Variants in ZFAND2A observed in about 807,000 individuals in gnomAD.
ZFAND2A encodes the protein zinc finger AN1-type containing 2A, also known as AN1-type zinc finger protein 2A.
ZFAND2A carries 20 observed loss-of-function variants against 11.6 expected under a neutral mutation model. The ratio of observed to expected loss-of-function variants is 1.72; its 90% confidence interval spans 1.21 to 2.50. The LOEUF (loss-of-function observed/expected upper bound fraction) is 2.50. Ranked by LOEUF, ZFAND2A falls within the 30% of genes most tolerant of loss-of-function variation. ZFAND2A has a pLI of 0.00. For missense variants in ZFAND2A, 234 were observed against 182.9 expected (o/e 1.28, Z -1.61); for synonymous variants, 93 against 60.6 (o/e 1.54, Z -2.48).
At chr7:1,149,753 G>T (rs938107013), downstream of ZFAND2A, among the ~76,000 whole-genome samples, 3 of 152,186 alleles carry the variant, frequency 2.0e-5, no homozygotes, top group Non-Finnish European at 4.4e-5. Context: ...ACGGCGCTGC[G>T]TGTTTGTGCT....
chr7:1,151,565 G>A (rs1441181543), downstream of ZFAND2A, among the ~76,000 whole-genome samples: 2 of 151,972 alleles, frequency 1.3e-5, no homozygotes, highest in Non-Finnish European at 2.9e-5. Context: ...CAGTGGGGAA[G>A]TTTCAAGGTT....
At chr7:1,151,089 T>C (rs1366578873), downstream of ZFAND2A, among the ~76,000 whole-genome samples, 2 of 152,220 alleles carry the variant, frequency 1.3e-5, no homozygotes, top group East Asian at 1.9e-4. Context: ...GGTTTCACCA[T>C]GTTGACCAGG....
intron 4 of ZFAND2A, 44 bp downstream of exon 4, chr7:1,155,409 C>T (rs1359130295): frequency 1.3e-6 from 2 of 1,593,094 alleles, no homozygotes; most frequent in East Asian, 4.5e-5. Context: ...CAAGGAAAAA[C>T]CAGGCTTCCC....
chr7:1,152,421 C>T, downstream of ZFAND2A: 1 of 1,443,496 alleles, frequency 6.9e-7, no homozygotes, highest in Admixed American at 2.4e-5. Context: ...TGCAGGTAAG[C>T]AACTACCACT....
intron 3 of ZFAND2A, 54 bp from the exon 4 acceptor site, chr7:1,155,638 A>T (rs903344198): frequency 2.5e-6 from 4 of 1,593,782 alleles, no homozygotes; most frequent in Non-Finnish European, 8.6e-7. Flanking sequence ...TTAAACTCAC[A>T]GAAGTTTTAA....
At chr7:1,155,115 A>C (rs1322510071) in intron 4 of ZFAND2A, among the ~76,000 whole-genome samples, 1 of 152,102 alleles carries the variant, frequency 6.6e-6, no homozygotes, top group Non-Finnish European at 1.5e-5. Flanking sequence ...ACAGAGCAAG[A>C]CTGTCTCAAA....
At position 1,158,331 on chromosome 7, in the gene ZFAND2A, A is replaced by C. The variant is rs1393517269; in HGVS notation, c.-45-74T>G. The C allele has an allele frequency of 3.6e-5, 32 of 899,984 alleles. 1 individual carries two copies. In the East Asian group the frequency reaches 7.8e-4, roughly 22 times the overall value. 55.7% of individuals were successfully genotyped at this position (899,984 alleles called of 1,614,324 possible). A position where few individuals can be genotyped will look rare whatever the true frequency, so the allele number is the denominator to read the frequency against. On this transcript the variant is annotated intron_variant, in intron 1 of 4. Transcript: ENST00000316495. ...TCACCAGGATTTACAATGTAATTACAGCTAATGAAAGTCAACAAACGCACT... is the reference window on the plus strand; with the variant it reads ...TCACCAGGATTTACAATGTAATTACCGCTAATGAAAGTCAACAAACGCACT...
At chr7:1,152,129 C>T (rs1196965180), downstream of ZFAND2A, 14 of 1,313,034 alleles carry the variant, frequency 1.1e-5, no homozygotes, top group South Asian at 1.8e-5. Context: ...TCCATCCTGA[C>T]GAAGTCGCAC....
chr7:1,151,365 G>A (rs367673123), downstream of ZFAND2A, among the ~76,000 whole-genome samples: 92 of 149,674 alleles, frequency 6.1e-4, no homozygotes, highest in African/African-American at 2.3e-3. Context: ...GGCCAGGCAG[G>A]TGGATGTCCT....
downstream of ZFAND2A, among the ~76,000 whole-genome samples, chr7:1,149,513 G>A (rs973179604): frequency 2.6e-5 from 4 of 152,206 alleles, no homozygotes; most frequent in African/African-American, 7.2e-5. Context: ...GGGAACCGCC[G>A]GCCTAGGACA....
chr7:1,153,200 CTT>C lies in ZFAND2A; in HGVS notation c.305_306del (p.Lys102ArgfsTer57), dbSNP rs756555828. The C allele has an allele frequency of 1.2e-6, 2 of 1,613,938 alleles. No individual in the cohort carries two copies. The highest frequency in any genetic ancestry group is 8.5e-7 in the Non-Finnish European group (1 of 1,179,800). Reference protein sequence around the residue: ...KEKIFTYRCSKEGCKKKEMLQ... With the variant: ...KEKIFTYRCSXEGCKKKEMLQ... ...AGCATCTCTTTCTTCTTGCAGCCCTCTTTTGAGCAACGGTATGTAAAAATCTA... is the reference window on the plus strand; with the variant it reads ...AGCATCTCTTTCTTCTTGCAGCCCTCTTGAGCAACGGTATGTAAAAATCTA... On this transcript the variant is annotated frameshift_variant, in exon 5 of 5. Coordinates refer to ENST00000316495, the MANE Select transcript of ZFAND2A (RefSeq NM_182491.4). LOFTEE classifies it low-confidence loss of function (END_TRUNC).
intron 1 of ZFAND2A, among the ~76,000 whole-genome samples, chr7:1,158,614 A>T (rs1793590050): frequency 6.6e-6 from 1 of 152,100 alleles, no homozygotes; most frequent in African/African-American, 2.4e-5. Context: ...CATAAACAAA[A>T]CTCTGTTACT....
chr7:1,153,444 A>G (rs1358141563), intron 4 of ZFAND2A, among the ~76,000 whole-genome samples: 1 of 152,050 alleles, frequency 6.6e-6, no homozygotes, highest in Non-Finnish European at 1.5e-5. Flanking sequence ...GGGTCTTGCC[A>G]TGCTGCCCAG....
intron 1 of ZFAND2A, among the ~76,000 whole-genome samples, chr7:1,159,377 C>A (rs1406687835): frequency 6.6e-6 from 1 of 152,222 alleles, no homozygotes; most frequent in East Asian, 1.9e-4. Flanking sequence ...GGCTGTCACT[C>A]GGCTGGCGGG....
chr7:1,154,834 C>A (rs1793483690), intron 4 of ZFAND2A, among the ~76,000 whole-genome samples: 1 of 152,172 alleles, frequency 6.6e-6, no homozygotes, highest in Admixed American at 6.5e-5. Flanking sequence ...AGAGAAGCTC[C>A]TTGAGCTGGG....
downstream of ZFAND2A, among the ~76,000 whole-genome samples, chr7:1,150,102 A>T (rs1215103682): frequency 6.6e-6 from 1 of 151,948 alleles, no homozygotes; most frequent in Non-Finnish European, 1.5e-5. Context: ...AATGTACCCC[A>T]TCAATATGTA....
intron 1 of ZFAND2A, 60 bp from the exon 2 acceptor site, chr7:1,158,317 T>C (rs1309685175): frequency 2.0e-6 from 2 of 1,014,700 alleles, no homozygotes; most frequent in African/African-American, 3.2e-5. Context: ...CACCAGGATT[T>C]ACAATGTAAT....
chr7:1,151,762 T>TTAAAAAAAAAAAAAAAAAA (rs1554344524), downstream of ZFAND2A, among the ~76,000 whole-genome samples: 37 of 87,142 alleles, frequency 4.2e-4, no homozygotes, highest in African/African-American at 1.3e-3. Flanking sequence ...TCATCCCTTT[T>TTAAAAAAAAAAAAAAAAAA]AAAAAAAAAA....
At chr7:1,149,471 G>A (rs1254740043), downstream of ZFAND2A, among the ~76,000 whole-genome samples, 1 of 152,228 alleles carries the variant, frequency 6.6e-6, no homozygotes, top group African/African-American at 2.4e-5. Flanking sequence ...CCTCCCGTAA[G>A]GAGCCCTGTG....
Sources: gnomAD v4.1 joint callset for allele counts (sites outside exome capture counted in the v4.1 genomes callset) on GRCh38, gnomAD v4.1.1 for gene constraint, MANE v1.5 for transcripts, NCBI Gene and HGNC (gene_info 2026-07-23, HGNC 2026-07-21) for gene names.